The following PRKG1 variants were observed in gnomAD, a reference collection of about 807,000 sequenced individuals.
The protein encoded by PRKG1 is cGMP-dependent protein kinase 1.
A neutral mutation model predicts 88.1 loss-of-function variants in PRKG1; 35 were observed. That is an observed-to-expected ratio of 0.40 (90% CI 0.30 to 0.53). The LOEUF (loss-of-function observed/expected upper bound fraction) is 0.53. PRKG1 is among the 20% of genes least tolerant of loss of function. The pLI is 0.59. For missense variants in PRKG1, 540 were observed against 839.8 expected, an observed-to-expected ratio of 0.64 and a Z score of 4.41; for synonymous variants, 303 against 292.5, an observed-to-expected ratio of 1.04 and a Z score of -0.37.
At chr10:51,788,307 T>A (rs893881815) in intron 3 of PRKG1, among the ~76,000 whole-genome samples, 3 of 152,184 alleles carry the variant, frequency 2.0e-5, no homozygotes, top group African/African-American at 7.2e-5. Context: ...TGTTGAATGA[T>A]CAATTTTCTT....
chr10:51,506,924 A>G (rs555479588), intron 3 of PRKG1, among the ~76,000 whole-genome samples: 5 of 152,264 alleles, frequency 3.3e-5, no homozygotes, highest in South Asian at 2.1e-4. Context: ...ATGATAGACT[A>G]GATTAAGAAA....
At chr10:51,623,688 G>T (rs1221634004) in intron 3 of PRKG1, among the ~76,000 whole-genome samples, 1 of 152,166 alleles carries the variant, frequency 6.6e-6, no homozygotes, top group African/African-American at 2.4e-5. Flanking sequence ...GAGAAAAGTC[G>T]ATGGAGTAGA....
intron 3 of PRKG1, among the ~76,000 whole-genome samples, chr10:51,792,978 G>A (rs1838907370): frequency 6.6e-6 from 1 of 151,702 alleles, no homozygotes. Flanking sequence ...CTAATGTCCA[G>A]ACATTGCTGT....
chr10:51,031,997 G>T (rs1356011425), intron 1 of PRKG1, among the ~76,000 whole-genome samples: 1 of 152,130 alleles, frequency 6.6e-6, no homozygotes, highest in Non-Finnish European at 1.5e-5. Context: ...TCTCAAAGCT[G>T]GTTGGATGCT....
chr10:51,929,346 CT>C (rs67175480), intron 5 of PRKG1, among the ~76,000 whole-genome samples: 14,577 of 109,470 alleles, frequency 0.13, 403 homozygotes, highest in East Asian at 0.36. Context: ...GAATTCCTTC[CT>C]TTTTTTTTTT....
chr10:51,674,513 A>G (rs1428822620), intron 3 of PRKG1, among the ~76,000 whole-genome samples: 1 of 152,212 alleles, frequency 6.6e-6, no homozygotes, highest in Non-Finnish European at 1.5e-5. Context: ...TATGATATGA[A>G]AAAATTATCA....
intron 8 of PRKG1, among the ~76,000 whole-genome samples, chr10:52,144,253 G>T (rs1837666450): frequency 6.6e-6 from 1 of 152,154 alleles, no homozygotes; most frequent in African/African-American, 2.4e-5. Flanking sequence ...TGGATAATTA[G>T]GAGGAAAGCT....
chr10:51,396,990 C>T (rs1027349459), intron 2 of PRKG1, among the ~76,000 whole-genome samples: 2 of 152,160 alleles, frequency 1.3e-5, no homozygotes, highest in African/African-American at 4.8e-5. Context: ...TAATTACAGG[C>T]AGGATCTGAC....
At chr10:51,873,603 C>G (rs1841214364) in intron 4 of PRKG1, among the ~76,000 whole-genome samples, 1 of 150,372 alleles carries the variant, frequency 6.7e-6, no homozygotes, top group Non-Finnish European at 1.5e-5. Context: ...TCTCAGCTCA[C>G]TGCAACCTCT....
chr10:52,132,663 C>T (rs1167407276), intron 7 of PRKG1, among the ~76,000 whole-genome samples: 1 of 152,044 alleles, frequency 6.6e-6, no homozygotes, highest in Non-Finnish European at 1.5e-5. Context: ...TATATCATTT[C>T]ATATGTACCT....
chr10:51,721,969 C>T (rs72797374), intron 3 of PRKG1, among the ~76,000 whole-genome samples: 12,230 of 152,192 alleles, frequency 0.08, 518 homozygotes, highest in South Asian at 0.092. Context: ...CGGTGGCTTA[C>T]GCCTGTAATC....
intron 5 of PRKG1, among the ~76,000 whole-genome samples, chr10:52,010,732 G>T (rs759165399): frequency 3.3e-5 from 5 of 152,150 alleles, no homozygotes; most frequent in Non-Finnish European, 7.4e-5. Flanking sequence ...AGAAAATGTT[G>T]CGAATTCCTA....
chr10:51,203,348 A>G (rs1837962390), intron 2 of PRKG1, among the ~76,000 whole-genome samples: 1 of 152,182 alleles, frequency 6.6e-6, no homozygotes, highest in Admixed American at 6.5e-5. Context: ...TTTGTTGACT[A>G]TACCCATCAT....
At chr10:51,641,515 G>C (rs1418327868) in intron 3 of PRKG1, among the ~76,000 whole-genome samples, 4 of 152,036 alleles carry the variant, frequency 2.6e-5, no homozygotes, top group Non-Finnish European at 5.9e-5. Context: ...GTGCTTTTTG[G>C]ACCCCCTAAA....
chr10:51,335,010 T>TTC (rs1449888802), intron 2 of PRKG1, among the ~76,000 whole-genome samples: 1 of 138,350 alleles, frequency 7.2e-6, no homozygotes, highest in African/African-American at 2.7e-5. Context: ...TTTTTTTTTT[T>TTC]TTTTTTTTTT....
At chr10:51,581,822 A>G (rs1170201755) in intron 3 of PRKG1, among the ~76,000 whole-genome samples, 1 of 152,010 alleles carries the variant, frequency 6.6e-6, no homozygotes, top group Non-Finnish European at 1.5e-5. Flanking sequence ...TACAATAATC[A>G]GGAGCATTTC....
chr10:51,461,312 T>C (rs1839737968), intron 2 of PRKG1, among the ~76,000 whole-genome samples: 1 of 152,190 alleles, frequency 6.6e-6, no homozygotes, highest in Non-Finnish European at 1.5e-5. Flanking sequence ...GAATTATTTC[T>C]ATGATGATGT....
chr10:52,066,406 C>T (rs1408808492), intron 7 of PRKG1, among the ~76,000 whole-genome samples: 2 of 150,928 alleles, frequency 1.3e-5, no homozygotes, highest in African/African-American at 2.5e-5. Flanking sequence ...TATTTGAACC[C>T]GGTGTCTGGC....
At chr10:52,239,200 T>C (rs1014060185) in intron 9 of PRKG1, among the ~76,000 whole-genome samples, 10 of 126,006 alleles carry the variant, frequency 7.9e-5, no homozygotes, top group South Asian at 6.0e-4. Context: ...AGGGATAGCA[T>C]TGGGAGATAT....
Sources: gnomAD v4.1 joint callset for allele counts (sites outside exome capture counted in the v4.1 genomes callset) on GRCh38, gnomAD v4.1.1 for gene constraint, MANE v1.5 for transcripts, NCBI Gene and HGNC (gene_info 2026-07-23, HGNC 2026-07-21) for gene names.